Variants in CSNK1G1 observed in about 807,000 individuals in gnomAD.
The protein encoded by CSNK1G1 is casein kinase I isoform gamma-1.
CSNK1G1 carries 22 observed loss-of-function variants against 59.6 expected under a neutral mutation model. The observed-to-expected ratio is 0.37, with a 90% CI of 0.26 to 0.53. The LOEUF is 0.53. Among genes scored for constraint, CSNK1G1 ranks in the 20% least tolerant of loss-of-function variants. The pLI, the probability that CSNK1G1 is intolerant of heterozygous loss-of-function variation, is 0.89. For missense variants in CSNK1G1, 384 were observed against 519.5 expected (o/e 0.74, Z 2.54); for synonymous variants, 179 against 177.1 (o/e 1.01, Z -0.08).
intron 1 of CSNK1G1, among the ~76,000 whole-genome samples, chr15:64,323,226 C>G (rs958813284): frequency 6.6e-6 from 1 of 152,148 alleles, no homozygotes; most frequent in Non-Finnish European, 1.5e-5. Context: ...CACAACCAGC[C>G]TCCTCTTGCT....
intron 3 of CSNK1G1, among the ~76,000 whole-genome samples, chr15:64,256,308 T>C (rs1300125619): frequency 6.6e-6 from 1 of 152,224 alleles, no homozygotes; most frequent in Non-Finnish European, 1.5e-5. Flanking sequence ...AATATTATAC[T>C]CTCAATCTTC....
At chr15:64,209,152 A>G (rs993547538) in intron 6 of CSNK1G1, among the ~76,000 whole-genome samples, 3 of 152,178 alleles carry the variant, frequency 2.0e-5, no homozygotes, top group Non-Finnish European at 2.9e-5. Flanking sequence ...GGCCTCCCAA[A>G]GTGCTGGCAC....
chr15:64,192,123 G>A (rs1368577547), intron 10 of CSNK1G1, among the ~76,000 whole-genome samples: 3 of 152,218 alleles, frequency 2.0e-5, no homozygotes, highest in Non-Finnish European at 4.4e-5. Flanking sequence ...GTTAGATTAA[G>A]CAAACTAGTG....
intron 11 of CSNK1G1, among the ~76,000 whole-genome samples, chr15:64,175,656 T>C (rs1030752822): frequency 2.0e-5 from 3 of 151,956 alleles, no homozygotes; most frequent in East Asian, 1.9e-4. Context: ...AACTCTCACA[T>C]AGGAATAAAG....
At chr15:64,203,252 G>T in intron 9 of CSNK1G1, 63 bp from the exon 10 acceptor site, 1 of 998,548 alleles carries the variant, frequency 1.0e-6, no homozygotes, top group Non-Finnish European at 1.6e-6. Context: ...ATATGCAAAG[G>T]ACAGAATGAT....
At chr15:64,238,752 T>C (rs768066418) in intron 4 of CSNK1G1, among the ~76,000 whole-genome samples, 4 of 151,372 alleles carry the variant, frequency 2.6e-5, no homozygotes, top group Non-Finnish European at 4.4e-5. Flanking sequence ...TTCCCTGGAG[T>C]TGGGCCAGGG....
chr15:64,171,701 G>A lies in CSNK1G1; in HGVS notation c.*230C>T. 1.7e-6 allele frequency: 1 copy of A among 579,610 alleles called. No homozygotes were observed. Among genetic ancestry groups the A allele is most frequent in the Non-Finnish European group, 3.1e-6 (1 of 324,824 alleles). 35.9% of individuals were successfully genotyped at this position (579,610 alleles called of 1,614,324 possible). A position where few individuals can be genotyped will look rare whatever the true frequency, so the allele number is the denominator to read the frequency against. ...GCAGCCCTATGGGCAAGCAGTGGAG[G>A]AACAGCAGCTCTGGGACCTGCTCAG... On this transcript the variant is annotated 3_prime_UTR_variant, in exon 12 of 12. Coordinates refer to ENST00000303052, the MANE Select transcript of CSNK1G1 (RefSeq NM_022048.5). This position sits in a 1 kb window ranked among gnomAD's most constrained non-coding sequence, Gnocchi z 4.8.
intron 4 of CSNK1G1, among the ~76,000 whole-genome samples, chr15:64,230,906 A>G (rs8042417): frequency 0.19 from 29,578 of 151,946 alleles, 4,019 homozygotes; most frequent in African/African-American, 0.39. Context: ...CCCAGGAGGC[A>G]GAGGTTGCAG....
rs149654778 is a variant in CSNK1G1, at chr15:64,324,530, C to T, written c.-224-23807G>A. Among the ~76,000 whole-genome samples, 105 of 152,352 alleles carry T rather than the reference C, an allele frequency of 6.9e-4. 1 individual carries two copies. In the Middle Eastern group the frequency reaches 0.014, roughly 20 times the overall value. ...CAGCTTTTGGTCTCTTGGACTTACA[C>T]CAGTGGTTTGCCAGAGGCTCTCAGG... On this transcript the variant is annotated intron_variant, in intron 1 of 11. Coordinates refer to ENST00000303052, the MANE Select transcript of CSNK1G1 (RefSeq NM_022048.5).
At chr15:64,213,402 C>T (rs544282997) in intron 6 of CSNK1G1, among the ~76,000 whole-genome samples, 6 of 152,210 alleles carry the variant, frequency 3.9e-5, no homozygotes, top group South Asian at 4.2e-4. Flanking sequence ...GAGTAAATTG[C>T]AAGACTAATG....
At chr15:64,335,389 T>G (rs1246969102) in intron 1 of CSNK1G1, among the ~76,000 whole-genome samples, 4 of 152,128 alleles carry the variant, frequency 2.6e-5, no homozygotes, top group Admixed American at 6.5e-5. Context: ...CTGATCCTCA[T>G]TTTTCTTTCA....
At chr15:64,312,336 G>C (rs4777105) in intron 1 of CSNK1G1, among the ~76,000 whole-genome samples, 3 of 152,018 alleles carry the variant, frequency 2.0e-5, no homozygotes, top group Non-Finnish European at 4.4e-5. Flanking sequence ...GAGGCATCAC[G>C]CTACCTGACT....
chr15:64,276,422 C>A (rs1434241378), intron 2 of CSNK1G1, among the ~76,000 whole-genome samples: 1 of 152,154 alleles, frequency 6.6e-6, no homozygotes, highest in African/African-American at 2.4e-5. Context: ...TGAAACAAAT[C>A]TCAGATGTTA....
intron 2 of CSNK1G1, among the ~76,000 whole-genome samples, chr15:64,266,312 G>A (rs1228291151): frequency 2.0e-5 from 3 of 151,836 alleles, no homozygotes; most frequent in Non-Finnish European, 4.4e-5. Context: ...CACTGACCTC[G>A]TGATCCACCC....
chr15:64,175,947 C>T (rs992449548), intron 11 of CSNK1G1, among the ~76,000 whole-genome samples: 2 of 152,348 alleles, frequency 1.3e-5, no homozygotes, highest in African/African-American at 4.8e-5. Flanking sequence ...TTACTTCTGT[C>T]CCTCTCCATA....
At chr15:64,338,700 CAAAAAAAAAAAAAAA>C (rs34206192) in intron 1 of CSNK1G1, among the ~76,000 whole-genome samples, 99 of 31,534 alleles carry the variant, frequency 3.1e-3, no homozygotes, top group Admixed American at 9.4e-3. Flanking sequence ...AACTCGGTCT[CAAAAAAAAAAAAAAA>C]AAAAAAAAAA....
chr15:64,323,469 G>A (rs182420267), intron 1 of CSNK1G1, among the ~76,000 whole-genome samples: 28 of 151,914 alleles, frequency 1.8e-4, no homozygotes, highest in African/African-American at 6.0e-4. Flanking sequence ...GGGTACAAGC[G>A]ATTCTCCTGC....
intron 5 of CSNK1G1, among the ~76,000 whole-genome samples, chr15:64,215,893 G>A (rs975540571): frequency 2.6e-5 from 4 of 152,130 alleles, no homozygotes; most frequent in African/African-American, 9.7e-5. Context: ...TTGCAACAGT[G>A]AAGGGAGAGA....
At chr15:64,330,476 C>A (rs1190502273) in intron 1 of CSNK1G1, among the ~76,000 whole-genome samples, 1 of 143,296 alleles carries the variant, frequency 7.0e-6, no homozygotes, top group Non-Finnish European at 1.5e-5. Flanking sequence ...AATTCAACAA[C>A]CCTTCATGCT....
Sources: allele counts gnomAD v4.1 joint callset (sites outside exome capture counted in the v4.1 genomes callset), GRCh38; gene constraint gnomAD v4.1.1; non-coding constraint Gnocchi (gnomAD v3.1); transcripts MANE v1.5; gene names NCBI Gene and HGNC (gene_info 2026-07-23, HGNC 2026-07-21).